Variants in TTLL11 observed in about 807,000 individuals in gnomAD.
TTLL11 encodes tubulin tyrosine ligase like 11, also known as tubulin polyglutamylase TTLL11.
TTLL11 carries 42 observed loss-of-function variants against 51.7 expected under a neutral mutation model. The ratio of observed to expected loss-of-function variants is 0.81; its 90% CI spans 0.64 to 1.05. TTLL11 has a LOEUF of 1.05. Ranked by LOEUF, TTLL11 falls within the 50% of genes least tolerant of loss-of-function variation. The pLI is 0.00. For missense variants in TTLL11, 799 were observed against 940.4 expected, an observed-to-expected ratio of 0.85 and a Z score of 1.97; for synonymous variants, 381 against 383.5, an observed-to-expected ratio of 0.99 and a Z score of 0.08.
chr9:121,826,511 ATATG>A (rs1343870649), intron 8 of TTLL11, among the ~76,000 whole-genome samples: 1 of 62,938 alleles, frequency 1.6e-5, no homozygotes, highest in Non-Finnish European at 2.9e-5. Context: ...GTATATATAT[ATATG>A]TATATATATA....
chr9:121,961,209 C>T (rs931869737), intron 6 of TTLL11, among the ~76,000 whole-genome samples: 1 of 152,034 alleles, frequency 6.6e-6, no homozygotes. Context: ...CCCACTTTAC[C>T]ACCTCTTCCT....
intron 1 of TTLL11, among the ~76,000 whole-genome samples, chr9:122,053,264 T>G (rs78335047): frequency 0.012 from 1,843 of 152,136 alleles, 14 homozygotes; most frequent in Non-Finnish European, 0.019. Context: ...GGAGGAGCAG[T>G]GGTTTCTGGT....
At chr9:121,999,354 CA>C (rs1843390832) in intron 3 of TTLL11, among the ~76,000 whole-genome samples, 3 of 152,154 alleles carry the variant, frequency 2.0e-5, no homozygotes, top group Admixed American at 1.3e-4. Flanking sequence ...TCAAATATGA[CA>C]CGTCCAAAAC....
chr9:121,906,008 T>A (rs1839932405), intron 6 of TTLL11, among the ~76,000 whole-genome samples: 1 of 152,194 alleles, frequency 6.6e-6, no homozygotes, highest in Non-Finnish European at 1.5e-5. Flanking sequence ...AGTTAACTAC[T>A]GAGATCACAA....
At chr9:122,001,180 C>T (rs563185047) in intron 3 of TTLL11, among the ~76,000 whole-genome samples, 20 of 152,284 alleles carry the variant, frequency 1.3e-4, no homozygotes, top group African/African-American at 3.6e-4. Flanking sequence ...ATTGCAACTG[C>T]GGCCTCCGAG....
intron 6 of TTLL11, among the ~76,000 whole-genome samples, chr9:121,894,125 C>G (rs1160694569): frequency 6.6e-6 from 1 of 152,174 alleles, no homozygotes; most frequent in Admixed American, 6.5e-5. Flanking sequence ...ATGCCAAGCA[C>G]TGGGCACGGG....
At chr9:121,967,459 G>T (rs1465139146) in intron 6 of TTLL11, among the ~76,000 whole-genome samples, 2 of 152,054 alleles carry the variant, frequency 1.3e-5, no homozygotes, top group Non-Finnish European at 2.9e-5. Flanking sequence ...TGCTGACCTT[G>T]TGATCCACCC....
intron 6 of TTLL11, among the ~76,000 whole-genome samples, chr9:121,922,760 A>AGTGTGTGTGTGTGTGTGTGT (rs71370699): frequency 1.3e-5 from 2 of 148,318 alleles, no homozygotes; most frequent in East Asian, 2.0e-4. Flanking sequence ...ATATCTATTC[A>AGTGTGTGTGTGTGTGTGTGT]GTGTGTGTGT....
intron 8 of TTLL11, among the ~76,000 whole-genome samples, chr9:121,829,633 G>A (rs989596259): frequency 3.9e-5 from 6 of 152,068 alleles, no homozygotes; most frequent in Admixed American, 1.3e-4. Flanking sequence ...TGTATACAAT[G>A]GTATTCATTG....
chr9:121,926,593 C>T (rs1588130133), intron 6 of TTLL11, among the ~76,000 whole-genome samples: 1 of 152,188 alleles, frequency 6.6e-6, no homozygotes, highest in East Asian at 1.9e-4. Flanking sequence ...AGGACAGCAG[C>T]TTGTGCCCAG....
At chr9:122,065,279 G>A (rs941275011) in intron 1 of TTLL11, among the ~76,000 whole-genome samples, 2 of 152,104 alleles carry the variant, frequency 1.3e-5, no homozygotes, top group Non-Finnish European at 1.5e-5. Context: ...AGAGTTCCTC[G>A]AAGTAATTTA....
intron 6 of TTLL11, among the ~76,000 whole-genome samples, chr9:121,893,517 C>T (rs919965656): frequency 6.6e-6 from 1 of 152,172 alleles, no homozygotes; most frequent in African/African-American, 2.4e-5. Context: ...GAATAATTTG[C>T]CCAGTGTCCC....
intron 8 of TTLL11, among the ~76,000 whole-genome samples, chr9:121,844,082 T>G (rs79544435): frequency 0.018 from 2,691 of 152,218 alleles, 84 homozygotes; most frequent in African/African-American, 0.061. Flanking sequence ...AAAAAGGGGC[T>G]AAGAAGCACT....
chr9:122,028,023 G>T (rs1189849707), intron 3 of TTLL11, among the ~76,000 whole-genome samples: 1 of 152,144 alleles, frequency 6.6e-6, no homozygotes, highest in Admixed American at 6.6e-5. Context: ...GCTGTAAGGC[G>T]CTAATATGTT....
At chr9:121,934,978 T>C (rs1034147552) in intron 6 of TTLL11, among the ~76,000 whole-genome samples, 2 of 152,076 alleles carry the variant, frequency 1.3e-5, no homozygotes, top group Non-Finnish European at 2.9e-5. Flanking sequence ...TTTTTGAGAC[T>C]AAGTCTAGCT....
At position 121,891,596 on chromosome 9, in the gene TTLL11, T is replaced by C. The variant is rs75966849; in HGVS notation, c.1482-20848A>G. Reference sequence around the variant, plus strand: ...CATCACATTTTGGCAGCATGCTCACTGAGCATAGAAAACGTCCAAGTTCAC... The same window carrying C: ...CATCACATTTTGGCAGCATGCTCACCGAGCATAGAAAACGTCCAAGTTCAC... On this transcript the variant is annotated intron_variant, in intron 6 of 8. Transcript: ENST00000321582. 8.7e-3 allele frequency among the ~76,000 whole-genome samples: 1,319 copies of C among 152,342 alleles called. 4 individuals are homozygous for C. Among genetic ancestry groups the C allele is most frequent in the Middle Eastern group, 0.017 (5 of 294 alleles).
intron 6 of TTLL11, among the ~76,000 whole-genome samples, chr9:121,943,347 C>G (rs1841560710): frequency 6.6e-6 from 1 of 152,112 alleles, no homozygotes; most frequent in East Asian, 1.9e-4. Flanking sequence ...CGGACCGTAA[C>G]AGACACTAAG....
At chr9:121,885,941 C>T (rs12684638) in intron 6 of TTLL11, among the ~76,000 whole-genome samples, 48,789 of 152,078 alleles carry the variant, frequency 0.32, 8,144 homozygotes, top group East Asian at 0.47. Context: ...GTTGTCCAGG[C>T]TGGCCTCTAA....
At chr9:121,971,748 A>G (rs1842584889) in intron 6 of TTLL11, among the ~76,000 whole-genome samples, 1 of 145,048 alleles carries the variant, frequency 6.9e-6, no homozygotes, top group African/African-American at 2.5e-5. Flanking sequence ...TGCCTTGGGA[A>G]AAAAAAAAAA....
Sources: allele counts gnomAD v4.1 joint callset (sites outside exome capture counted in the v4.1 genomes callset), GRCh38; gene constraint gnomAD v4.1.1; transcripts MANE v1.5; gene names NCBI Gene and HGNC (gene_info 2026-07-23, HGNC 2026-07-21).